Variants in LDB2 observed in about 807,000 individuals in gnomAD.
LDB2 encodes the protein LIM domain binding 2.
LDB2 carries 12 observed loss-of-function variants against 44.3 expected under a neutral mutation model. The observed-to-expected ratio is 0.27, with a 90% CI of 0.17 to 0.44. LDB2 has a LOEUF of 0.44. Ranked by LOEUF, LDB2 falls within the 20% of genes least tolerant of loss-of-function variation. The pLI, the probability that LDB2 is intolerant of heterozygous loss-of-function variation, is 1.00. For synonymous variants in LDB2, 164 were observed against 174.8 expected (o/e 0.94, Z 0.49); for missense variants, 344 against 473.5 (o/e 0.73, Z 2.54).
At position 16,697,597 on chromosome 4, in the gene LDB2, CCT is replaced by C. The variant is rs558441930; in HGVS notation, c.235+61559_235+61560del. Among the ~76,000 whole-genome samples the C allele has an allele frequency of 5.8e-4, 89 of 152,298 alleles. 1 individual carries two copies. The highest frequency in any genetic ancestry group is 1.6e-3 in the African/African-American group (66 of 41,576). ...CTGGACCCCAGCTCTTCAGTTCACC[CCT>C]GTTTCCTGCAACTGCTTCCTGCCTT... On this transcript the variant is annotated intron_variant, in intron 2 of 7. Transcript: ENST00000304523.
chr4:16,740,848 T>C (rs1439429395), intron 2 of LDB2, among the ~76,000 whole-genome samples: 5 of 152,256 alleles, frequency 3.3e-5, no homozygotes, highest in African/African-American at 4.8e-5. Context: ...GCAATGCGTG[T>C]ATTTTACTTA....
intron 1 of LDB2, among the ~76,000 whole-genome samples, chr4:16,776,908 G>A (rs918177937): frequency 6.6e-6 from 1 of 152,140 alleles, no homozygotes; most frequent in Non-Finnish European, 1.5e-5. Context: ...TCTTCACTGC[G>A]GGGTGTCCTG....
At chr4:16,565,378 AGAG>A (rs978632499) in intron 5 of LDB2, among the ~76,000 whole-genome samples, 1 of 152,230 alleles carries the variant, frequency 6.6e-6, no homozygotes, top group African/African-American at 2.4e-5. Flanking sequence ...AATAATAAAA[AGAG>A]AAGAGTAAAA....
intron 1 of LDB2, among the ~76,000 whole-genome samples, chr4:16,805,527 C>T (rs1778615869): frequency 6.6e-6 from 1 of 152,148 alleles, no homozygotes; most frequent in Non-Finnish European, 1.5e-5. Flanking sequence ...TGCACAGGCT[C>T]ATGGTCCACT....
intron 7 of LDB2, chr4:16,506,937 T>G (rs531897386): frequency 6.6e-5 from 10 of 152,336 alleles, no homozygotes; most frequent in Non-Finnish European, 1.3e-4. Context: ...TAACGAATGT[T>G]ACTGCCTTTA....
intron 2 of LDB2, among the ~76,000 whole-genome samples, chr4:16,717,492 C>A (rs2658508): frequency 0.46 from 70,164 of 151,836 alleles, 16,701 homozygotes; most frequent in East Asian, 0.78. Context: ...TGACTTGCTT[C>A]CACTAGCTGA....
chr4:16,828,414 T>C (rs187793741), intron 1 of LDB2, among the ~76,000 whole-genome samples: 1 of 152,342 alleles, frequency 6.6e-6, no homozygotes, highest in Admixed American at 6.5e-5. Flanking sequence ...CCTCCTCCAG[T>C]GTGCTTTTCT....
At chr4:16,600,964 T>G (rs1722422386) in intron 2 of LDB2, among the ~76,000 whole-genome samples, 1 of 152,118 alleles carries the variant, frequency 6.6e-6, no homozygotes, top group African/African-American at 2.4e-5. Flanking sequence ...GCATTTTATC[T>G]CTTTTAGTAA....
At chr4:16,511,948 T>G (rs1204537854) in intron 6 of LDB2, 33 bp downstream of exon 6, 1 of 1,594,984 alleles carries the variant, frequency 6.3e-7, no homozygotes, top group African/African-American at 1.3e-5. Flanking sequence ...TCTGAAAACG[T>G]GTTTAGAGAG....
intron 1 of LDB2, among the ~76,000 whole-genome samples, chr4:16,827,238 G>A (rs547858863): frequency 3.9e-5 from 6 of 152,166 alleles, no homozygotes; most frequent in Admixed American, 3.3e-4. Flanking sequence ...AGCTCCACTC[G>A]GGGCAGCATT....
At chr4:16,817,918 T>TA (rs900293866) in intron 1 of LDB2, among the ~76,000 whole-genome samples, 2 of 151,472 alleles carry the variant, frequency 1.3e-5, no homozygotes, top group Non-Finnish European at 2.9e-5. Context: ...ATAAAAAAAT[T>TA]AAAAAAAAAT....
At chr4:16,699,266 G>C (rs1430854439) in intron 2 of LDB2, among the ~76,000 whole-genome samples, 1 of 152,168 alleles carries the variant, frequency 6.6e-6, no homozygotes, top group African/African-American at 2.4e-5. Context: ...AAACACATTG[G>C]AAATAAAAGA....
At chr4:16,763,154 C>G (rs1768324323) in intron 1 of LDB2, among the ~76,000 whole-genome samples, 1 of 145,052 alleles carries the variant, frequency 6.9e-6, no homozygotes, top group African/African-American at 2.6e-5. Flanking sequence ...GAAAGAACAT[C>G]CTCGAAATAA....
At chr4:16,669,847 A>G (rs1173761990) in intron 2 of LDB2, among the ~76,000 whole-genome samples, 2 of 152,220 alleles carry the variant, frequency 1.3e-5, no homozygotes, top group African/African-American at 4.8e-5. Context: ...CTGCCAGTGT[A>G]ATCCCTCTGC....
rs777669362 is a variant in LDB2, at chr4:16,588,771, G to A, written c.470C>T (p.Thr157Ile). 3.7e-6 allele frequency: 6 copies of A among 1,613,444 alleles called. No individual in the cohort carries two copies. The East Asian group carries it at 1.1e-4, about 30-fold the overall frequency. Residue 157 changes from threonine to isoleucine, a missense_variant, in exon 4 of 8, where the codon ACA becomes ATA. Physicochemically the swap from Thr to Ile is moderately conservative, Grantham distance 89 (BLOSUM62 -1). Coordinates refer to ENST00000304523, the MANE Select transcript of LDB2 (RefSeq NM_001290.5). ...GTATTGTCTAATGGTAAAGTGCCAT[G>A]TTTTGATTCTCATGAGATCATCAAA... ...FTFDDLMRIK[T>I]WHFTIRQYRE...
At chr4:16,503,414 C>A (rs1284148326) in intron 7 of LDB2, among the ~76,000 whole-genome samples, 1 of 152,242 alleles carries the variant, frequency 6.6e-6, no homozygotes, top group Admixed American at 6.5e-5. Context: ...CAGAATCTCT[C>A]TTTTCTCTAC....
At chr4:16,503,271 T>A in intron 7 of LDB2, 1 of 808,268 alleles carries the variant, frequency 1.2e-6, no homozygotes, top group Non-Finnish European at 2.0e-6. Flanking sequence ...CACTTTTATT[T>A]AGGGCCTGTG....
At chr4:16,857,344 A>G (rs1460702880) in intron 1 of LDB2, among the ~76,000 whole-genome samples, 1 of 152,132 alleles carries the variant, frequency 6.6e-6, no homozygotes, top group Admixed American at 6.5e-5. Context: ...CATCCAAGCC[A>G]CCATCCTTGC....
intron 2 of LDB2, among the ~76,000 whole-genome samples, chr4:16,599,142 C>CATAG (rs1379125489): frequency 1.3e-5 from 2 of 152,164 alleles, no homozygotes; most frequent in African/African-American, 4.8e-5. Context: ...TTACCACCAA[C>CATAG]ATAGTGGCCT....
Sources: gnomAD v4.1 joint callset for allele counts (sites outside exome capture counted in the v4.1 genomes callset) on GRCh38, gnomAD v4.1.1 for gene constraint, MANE v1.5 for transcripts, NCBI Gene and HGNC (gene_info 2026-07-23, HGNC 2026-07-21) for gene names.